Variants in SPSB1 observed in about 807,000 individuals in gnomAD.
The protein encoded by SPSB1 is SPRY domain-containing SOCS box protein 1.
In SPSB1, 8 loss-of-function variants were observed where a neutral mutation model predicts 21.2. That is an observed-to-expected ratio of 0.38 (90% confidence interval 0.22 to 0.68). SPSB1 has a LOEUF of 0.68. Among genes scored for constraint, SPSB1 ranks in the 30% least tolerant of loss-of-function variants. The pLI is 0.53. For missense variants in SPSB1, 242 were observed against 377.8 expected, an observed-to-expected ratio of 0.64 and a Z score of 2.98; for synonymous variants, 169 against 161.7, an observed-to-expected ratio of 1.05 and a Z score of -0.34.
intron 1 of SPSB1, among the ~76,000 whole-genome samples, chr1:9,308,990 C>A (rs183452987): frequency 6.6e-6 from 1 of 151,932 alleles, no homozygotes; most frequent in African/African-American, 2.4e-5. Flanking sequence ...GGGCACCAGG[C>A]CTGCGTGGGT....
At chr1:9,335,544 C>CA (rs1049765093) in intron 1 of SPSB1, among the ~76,000 whole-genome samples, 8 of 151,022 alleles carry the variant, frequency 5.3e-5, no homozygotes, top group African/African-American at 1.9e-4. Context: ...TGCAGTGGCT[C>CA]ACGCCTGTAA....
At chr1:9,364,536 G>T (rs1640526910) in intron 2 of SPSB1, among the ~76,000 whole-genome samples, 1 of 152,218 alleles carries the variant, frequency 6.6e-6, no homozygotes, top group Non-Finnish European at 1.5e-5. Flanking sequence ...CCAACCCTGT[G>T]AGGAGCCGGG....
In SPSB1 at chr1:9,293,181, C is replaced by T. The variant is rs1639148689; in HGVS notation, c.-150+110C>T. On this transcript the variant is annotated intron_variant, in intron 1 of 2. Transcript: ENST00000328089. The surrounding 1 kb of genome is among the most constrained non-coding windows in gnomAD (Gnocchi z 5.1). ...CGCGGGGATCGCGCCGCTGGGGGAC[C>T]GAGTGGGTGGCGCGGGGCCGGGCGC... 1.0e-6 allele frequency: 1 copy of T among 960,538 alleles called. No homozygotes were observed. 59.5% of individuals were successfully genotyped at this position (960,538 alleles called of 1,614,324 possible). A position where few individuals can be genotyped will look rare whatever the true frequency, so the allele number is the denominator to read the frequency against.
intron 2 of SPSB1, among the ~76,000 whole-genome samples, chr1:9,357,261 G>A (rs1180007873): frequency 2.1e-5 from 3 of 142,252 alleles, no homozygotes; most frequent in Non-Finnish European, 3.2e-5. Flanking sequence ...AGGTGGATGA[G>A]TGGGTAGATG....
intron 2 of SPSB1, among the ~76,000 whole-genome samples, chr1:9,360,776 C>G (rs559565355): frequency 6.6e-6 from 1 of 152,218 alleles, no homozygotes; most frequent in Non-Finnish European, 1.5e-5. Context: ...GAAGTACATC[C>G]GCAAGGCCCT....
chr1:9,356,204 G>A lies in SPSB1; in HGVS notation c.313G>A (p.Ala105Thr). The A allele has an allele frequency of 6.3e-7, 1 of 1,593,072 alleles. No homozygotes were observed. The highest frequency in any genetic ancestry group is 8.6e-7 in the Non-Finnish European group (1 of 1,167,890). The change falls in exon 2 of 3, where the codon GCC becomes ACC. Residue 105 changes from alanine to threonine, a missense_variant. Physicochemically the swap from Ala to Thr is moderately conservative, Grantham distance 58. Transcript: ENST00000328089. This position sits in a 1 kb window ranked among gnomAD's most constrained non-coding sequence, Gnocchi z 7.4. ...GCTGCACGTGTGGCAGATCACGTGG[G>A]CCATGAGACAGCGGGGCACACACGC... is the stretch of plus-strand genomic sequence containing the variant. ...RGLHVWQITWAMRQRGTHAVV... is the reference protein window; with the variant it reads ...RGLHVWQITWTMRQRGTHAVV...
intron 1 of SPSB1, among the ~76,000 whole-genome samples, chr1:9,316,287 T>G (rs1336761402): frequency 1.3e-5 from 2 of 151,972 alleles, no homozygotes; most frequent in Non-Finnish European, 2.9e-5. Context: ...GTCACCTGCT[T>G]TGGGTGAGTT....
At chr1:9,358,442 G>A (rs1268770766) in intron 2 of SPSB1, among the ~76,000 whole-genome samples, 1 of 152,210 alleles carries the variant, frequency 6.6e-6, no homozygotes, top group Non-Finnish European at 1.5e-5. Flanking sequence ...AATGGAACCA[G>A]CAGAGTGAGT....
chr1:9,315,921 C>T (rs1044213259), intron 1 of SPSB1, among the ~76,000 whole-genome samples: 5 of 152,212 alleles, frequency 3.3e-5, no homozygotes, highest in East Asian at 3.8e-4. Context: ...GAAGAGGGCT[C>T]GCCAGTTACG....
chr1:9,295,189 GGAGTGTGTGTGTGTGTGT>G (rs1404873581), intron 1 of SPSB1, among the ~76,000 whole-genome samples: 5 of 148,356 alleles, frequency 3.4e-5, no homozygotes, highest in Non-Finnish European at 7.4e-5. Context: ...CCCAGTAGAT[GGAGTGTGTGTGTGTGTGT>G]GAGAGTGTGA....
rs1640615882 is a variant in SPSB1 at position 9,368,629 on chromosome 1, A to C, written c.*1054A>C. On this transcript the variant is annotated 3_prime_UTR_variant, in exon 3 of 3. Coordinates refer to ENST00000328089, the MANE Select transcript of SPSB1 (RefSeq NM_025106.4). Reference sequence around the variant, plus strand: ...TTTCTAGCTGAGATTTCCCAAGTGCATCCTCAGAAGCTCTGGGTGTGCCAG... The same window carrying C: ...TTTCTAGCTGAGATTTCCCAAGTGCCTCCTCAGAAGCTCTGGGTGTGCCAG... The C allele has an allele frequency of 6.6e-6, 1 of 152,070 alleles. No homozygotes were observed. The highest frequency in any genetic ancestry group is 1.5e-5 in the Non-Finnish European group (1 of 68,008). The allele number at this position is 152,070 out of a possible 1,614,324, so 9.4% of individuals were successfully genotyped here.
intron 1 of SPSB1, among the ~76,000 whole-genome samples, chr1:9,326,331 A>T (rs1639816079): frequency 6.6e-6 from 1 of 152,202 alleles, no homozygotes; most frequent in African/African-American, 2.4e-5. Context: ...AGGTGGAGAC[A>T]CCCAGGGGCC....
At chr1:9,344,958 A>C (rs544264) in intron 1 of SPSB1, among the ~76,000 whole-genome samples, 6 of 152,100 alleles carry the variant, frequency 3.9e-5, no homozygotes, top group Non-Finnish European at 5.9e-5. Context: ...ACTGGCTCCC[A>C]TTCAGGCCTT....
At chr1:9,331,828 GCTTTT>G (rs1639926159) in intron 1 of SPSB1, among the ~76,000 whole-genome samples, 2 of 152,140 alleles carry the variant, frequency 1.3e-5, no homozygotes, top group South Asian at 4.1e-4. Context: ...TCTCATTACT[GCTTTT>G]CTTTTATGTC....
chr1:9,331,728 C>CGTTG (rs1639923316), intron 1 of SPSB1, among the ~76,000 whole-genome samples: 1 of 152,180 alleles, frequency 6.6e-6, no homozygotes, highest in African/African-American at 2.4e-5. Flanking sequence ...CCACCAGCCA[C>CGTTG]GTTGGTACTT....
At chr1:9,354,744 T>G (rs1640333962) in intron 1 of SPSB1, among the ~76,000 whole-genome samples, 1 of 151,510 alleles carries the variant, frequency 6.6e-6, no homozygotes, top group African/African-American at 2.4e-5. Context: ...GAGGTTGCAG[T>G]GAGCCGAGAT....
chr1:9,353,538 C>T (rs1023718367), intron 1 of SPSB1, among the ~76,000 whole-genome samples: 1 of 152,160 alleles, frequency 6.6e-6, no homozygotes, highest in Admixed American at 6.5e-5. Context: ...GCAGAGGGGA[C>T]ACCTCAGCTC....
intron 1 of SPSB1, among the ~76,000 whole-genome samples, chr1:9,304,343 C>T (rs1406337445): frequency 1.3e-5 from 2 of 152,194 alleles, no homozygotes; most frequent in Non-Finnish European, 2.9e-5. Flanking sequence ...TAGTGGGACT[C>T]AGCCTCCATA....
At chr1:9,360,960 G>A (rs1214428753) in intron 2 of SPSB1, among the ~76,000 whole-genome samples, 2 of 152,176 alleles carry the variant, frequency 1.3e-5, no homozygotes, top group Non-Finnish European at 1.5e-5. Context: ...ATCCTCTCAC[G>A]TCACCCCTAC....
Sources: gnomAD v4.1 joint callset for allele counts (sites outside exome capture counted in the v4.1 genomes callset) on GRCh38, gnomAD v4.1.1 for gene constraint, Gnocchi (gnomAD v3.1) non-coding constraint, MANE v1.5 for transcripts, NCBI Gene and HGNC (gene_info 2026-07-23, HGNC 2026-07-21) for gene names.